The following ZNF268 variants were observed in gnomAD, a reference collection of about 807,000 sequenced individuals.
ZNF268 encodes the protein zinc finger protein 3.
Under a neutral mutation model 29.3 loss-of-function variants are expected in ZNF268, and 20 were observed. That is an observed-to-expected ratio of 0.68 (90% CI 0.48 to 0.99). ZNF268 has a LOEUF of 0.99. Among genes scored for constraint, ZNF268 ranks in the 50% least tolerant of loss-of-function variants. ZNF268 has a pLI of 0.00. For missense variants in ZNF268, 1,240 were observed against 1,121.6 expected (o/e 1.11, Z -1.51); for synonymous variants, 429 against 376.9 (o/e 1.14, Z -1.60).
rs970609864 is a variant in ZNF268, at chr12:133,191,674, T to A, written c.361+59T>A. 6 of 1,598,614 alleles carry A rather than the reference T, an allele frequency of 3.8e-6. No individual in the cohort carries two copies. In the Middle Eastern group the frequency reaches 6.7e-4, roughly 178 times the overall value. ...GATCTCCAGGCTTCTTCTTGGTTGC[T>A]GAAAACTGGAGGGCTTCTATGAAAT... On this transcript the variant is annotated intron_variant, in intron 4 of 5. Coordinates refer to ENST00000536435, the MANE Select transcript of ZNF268 (RefSeq NM_003415.3).
At chr12:133,190,131 G>C (rs190676298) in intron 3 of ZNF268, among the ~76,000 whole-genome samples, 6 of 152,292 alleles carry the variant, frequency 3.9e-5, no homozygotes, top group Admixed American at 3.9e-4. Context: ...TTTTGAGTAA[G>C]TTTGGTAATT....
At position 133,182,145 on chromosome 12, in the gene ZNF268, A is replaced by C. The variant is rs146217561; in HGVS notation, c.33+115A>C. The C allele has an allele frequency of 2.6e-4, 254 of 983,034 alleles. No homozygotes were observed. In the African/African-American group the frequency reaches 2.9e-3, roughly 11 times the overall value. 60.9% of individuals were successfully genotyped at this position (983,034 alleles called of 1,614,324 possible). A position where few individuals can be genotyped will look rare whatever the true frequency, so the allele number is the denominator to read the frequency against. ...AGCTTTCTCACCCCACCGCTCTTTTAGGCAACTGGATCGTCATTTATAGCA... is the reference window on the plus strand; with the variant it reads ...AGCTTTCTCACCCCACCGCTCTTTTCGGCAACTGGATCGTCATTTATAGCA... On this transcript the variant is annotated intron_variant, in intron 2 of 5. Coordinates refer to ENST00000536435, the MANE Select transcript of ZNF268 (RefSeq NM_003415.3).
In ZNF268 at chr12:133,211,340, G is replaced by T. The variant is rs1956977363; in HGVS notation, c.*6810G>T. 1 of 312,880 alleles carries T rather than the reference G, an allele frequency of 3.2e-6. No homozygotes were observed. Among genetic ancestry groups the T allele is most frequent in the Admixed American group, 4.5e-5 (1 of 22,100 alleles). The allele number at this position is 312,880 out of a possible 1,614,324, so 19.4% of individuals were successfully genotyped here. A position where few individuals can be genotyped will look rare whatever the true frequency, so the allele number is the denominator to read the frequency against. Reference sequence around the variant, plus strand: ...CTCACGCCTGTAATCCCAGCACTTTGGGAGGCCGAGGCGGGCAGATCACCT... The same window carrying T: ...CTCACGCCTGTAATCCCAGCACTTTTGGAGGCCGAGGCGGGCAGATCACCT... On this transcript the variant is annotated 3_prime_UTR_variant, in exon 6 of 6. Transcript: ENST00000536435.
intron 5 of ZNF268, among the ~76,000 whole-genome samples, chr12:133,194,584 T>C (rs1047483158): frequency 6.6e-6 from 1 of 152,196 alleles, no homozygotes; most frequent in Non-Finnish European, 1.5e-5. Context: ...CTGATCATGT[T>C]CAACAGGCTA....
chr12:133,198,487 C>G (rs1469705275), intron 5 of ZNF268, among the ~76,000 whole-genome samples: 1 of 151,350 alleles, frequency 6.6e-6, no homozygotes, highest in African/African-American at 2.4e-5. Context: ...CAGCTTTGTT[C>G]TTTTGGCTTA....
Position 133,204,820 on chromosome 12 carries a change from C to T in ZNF268, c.*290C>T, listed in dbSNP as rs994512668. The T allele has an allele frequency of 1.8e-5, 5 of 279,276 alleles. No individual in the cohort carries two copies. The highest frequency in any genetic ancestry group is 4.4e-5 in the African/African-American group (2 of 45,550). The allele number at this position is 279,276 out of a possible 1,614,324, so 17.3% of individuals were successfully genotyped here. On this transcript the variant is annotated 3_prime_UTR_variant, in exon 6 of 6. Transcript: ENST00000536435. ...CATACAGGTGAGGAACCATGTTAAACGTTGTAAAGTCATTTTACTAAAATA... is the reference window on the plus strand; with the variant it reads ...CATACAGGTGAGGAACCATGTTAAATGTTGTAAAGTCATTTTACTAAAATA...
intron 5 of ZNF268, chr12:133,193,525 C>G: frequency 1.5e-6 from 1 of 689,544 alleles, no homozygotes; most frequent in Non-Finnish European, 2.6e-6. Context: ...GTTGCTGCAT[C>G]CTCTGGAGGT....
At chr12:133,198,235 TTTCAGC>T (rs1161204221) in intron 5 of ZNF268, among the ~76,000 whole-genome samples, 1 of 149,236 alleles carries the variant, frequency 6.7e-6, no homozygotes, top group Non-Finnish European at 1.5e-5. Context: ...AGGGATCCAG[TTTCAGC>T]TTTCTACATA....
rs565059550 is a variant in ZNF268 at position 133,212,445 on chromosome 12, T to TTATATATATATATATA, written c.*7953_*7968dup. 3 of 118,578 alleles carry TTATATATATATATATA rather than the reference T, an allele frequency of 2.5e-5. No homozygotes were observed. The highest frequency in any genetic ancestry group is 5.5e-5 in the Non-Finnish European group (3 of 54,210). 7.3% of individuals were successfully genotyped at this position (118,578 alleles called of 1,614,324 possible). On this transcript the variant is annotated 3_prime_UTR_variant, in exon 6 of 6. Transcript: ENST00000536435. ...CCAAGGGAGACTTTCATGTGTGATTTTATATATATATATATATATATATAT... is the reference window on the plus strand; with the variant it reads ...CCAAGGGAGACTTTCATGTGTGATTTTATATATATATATATATATATATATATATATATATATATAT...
chr12:133,184,459 G>A (rs1299648178), intron 2 of ZNF268, among the ~76,000 whole-genome samples: 1 of 151,962 alleles, frequency 6.6e-6, no homozygotes, highest in South Asian at 2.1e-4. Context: ...ATGGTGGAAG[G>A]GGGCAAAAAG....
intron 5 of ZNF268, among the ~76,000 whole-genome samples, chr12:133,197,052 T>C (rs1018128720): frequency 6.6e-6 from 1 of 151,670 alleles, no homozygotes; most frequent in Non-Finnish European, 1.5e-5. Flanking sequence ...TAAATATTAT[T>C]ATACTTTAAG....
At position 133,204,737 on chromosome 12, in the gene ZNF268, A is replaced by C; in HGVS notation, c.*207A>C. 2.4e-6 allele frequency: 1 copy of C among 425,042 alleles called. No homozygotes were observed. The highest frequency in any genetic ancestry group is 4.1e-6 in the Non-Finnish European group (1 of 243,136). 26.3% of individuals were successfully genotyped at this position (425,042 alleles called of 1,614,324 possible). A position where few individuals can be genotyped will look rare whatever the true frequency, so the allele number is the denominator to read the frequency against. On this transcript the variant is annotated 3_prime_UTR_variant, in exon 6 of 6. Transcript: ENST00000536435. ...TAGTAGACAATACACAGGAAAACTGAATTTAGTAACCACTCTGAAAATTTT... is the reference window on the plus strand; with the variant it reads ...TAGTAGACAATACACAGGAAAACTGCATTTAGTAACCACTCTGAAAATTTT...
At chr12:133,183,289 C>T (rs1016086412) in intron 2 of ZNF268, among the ~76,000 whole-genome samples, 2 of 152,034 alleles carry the variant, frequency 1.3e-5, no homozygotes, top group African/African-American at 4.8e-5. Flanking sequence ...ACAGTCTAGT[C>T]TGCAGCAGGT....
rs1307161506 is a variant in ZNF268, at chr12:133,211,030, G to C, written c.*6500G>C. The C allele has an allele frequency of 4.4e-6, 2 of 455,868 alleles. No individual in the cohort carries two copies. The highest frequency in any genetic ancestry group is 4.4e-6 in the Non-Finnish European group (1 of 226,790). The allele number at this position is 455,868 out of a possible 1,614,324, so 28.2% of individuals were successfully genotyped here. A position where few individuals can be genotyped will look rare whatever the true frequency, so the allele number is the denominator to read the frequency against. On this transcript the variant is annotated 3_prime_UTR_variant, in exon 6 of 6. Coordinates refer to ENST00000536435, the MANE Select transcript of ZNF268 (RefSeq NM_003415.3). Reference sequence around the variant, plus strand: ...AATTTTGGAAAACGAAACTGAAATAGAGTCCATCATTCCATGCCTTAATTG... The same window carrying C: ...AATTTTGGAAAACGAAACTGAAATACAGTCCATCATTCCATGCCTTAATTG...
At position 133,184,710 on chromosome 12, in the gene ZNF268, G is replaced by A. The variant is rs577440259; in HGVS notation, c.33+2680G>A. ...CTGCTCACCACAACGTCTGCTTCCC[G>A]AGTTCAAGTGGTTCTCTTGCCTCAG... On this transcript the variant is annotated intron_variant, in intron 2 of 5. Coordinates refer to ENST00000536435, the MANE Select transcript of ZNF268 (RefSeq NM_003415.3). The A allele has an allele frequency of 1.0e-3, 469 of 451,058 alleles. 2 individuals are homozygous for A. The highest frequency in any genetic ancestry group is 6.7e-3 in the Middle Eastern group (17 of 2,532). The allele number at this position is 451,058 out of a possible 1,614,324, so 27.9% of individuals were successfully genotyped here. A position where few individuals can be genotyped will look rare whatever the true frequency, so the allele number is the denominator to read the frequency against.
At chr12:133,201,079 T>G (rs760999491) in intron 5 of ZNF268, among the ~76,000 whole-genome samples, 1 of 152,100 alleles carries the variant, frequency 6.6e-6, no homozygotes, top group Non-Finnish European at 1.5e-5. Context: ...AAGTATACAG[T>G]GATTTATTTT....
intron 3 of ZNF268, 169 bp from the exon 4 acceptor site, chr12:133,191,320 A>C (rs75668420): frequency 4.2e-5 from 9 of 213,884 alleles, no homozygotes; most frequent in South Asian, 1.2e-4. Context: ...CTGTCTCAAC[A>C]AAAAAAAAAA....
chr12:133,209,641 C>G lies in ZNF268; in HGVS notation c.*5111C>G, dbSNP rs1042447911. The G allele has an allele frequency of 6.6e-6, 1 of 152,112 alleles. No homozygotes were observed. Among genetic ancestry groups the G allele is most frequent in the African/African-American group, 2.4e-5 (1 of 41,404 alleles). The allele number at this position is 152,112 out of a possible 1,614,324, so 9.4% of individuals were successfully genotyped here. On this transcript the variant is annotated 3_prime_UTR_variant, in exon 6 of 6. Coordinates refer to ENST00000536435, the MANE Select transcript of ZNF268 (RefSeq NM_003415.3). The stretch of plus-strand genomic sequence containing the variant: ...CTTGAGGTCAGGAGTTCGAGACCAG[C>G]CTGGTGAAACCCCGTCTCTACTAAA...
chr12:133,203,590 C>G lies in ZNF268; in HGVS notation c.1904C>G (p.Thr635Arg). ...SNLIVHQRTHTGEKPYSCNEC... is the reference protein window; with the variant it reads ...SNLIVHQRTHRGEKPYSCNEC... Reference sequence around the variant, plus strand: ...CTGATTGTACATCAGAGAACTCATACAGGAGAGAAACCCTATAGTTGTAAT... The same window carrying G: ...CTGATTGTACATCAGAGAACTCATAGAGGAGAGAAACCCTATAGTTGTAAT... The change falls in exon 6 of 6, where the codon ACA becomes AGA. Residue 635 changes from threonine (T) to arginine (R), a missense_variant. Thr to Arg is a moderately conservative substitution (Grantham distance 71). Around this residue, in one of 3 missense-constraint regions of ZNF268, gnomAD observed 1,177 missense variants for 1,039.6 expected, o/e 1.13. Coordinates refer to ENST00000536435, the MANE Select transcript of ZNF268 (RefSeq NM_003415.3). The G allele has an allele frequency of 6.4e-7, 1 of 1,569,684 alleles. No homozygotes were observed. Among genetic ancestry groups the G allele is most frequent in the East Asian group, 2.3e-5 (1 of 42,610 alleles).
Sources: gnomAD v4.1 joint callset for allele counts (sites outside exome capture counted in the v4.1 genomes callset) on GRCh38, gnomAD v4.1.1 for gene constraint, gnomAD v4.1.1 regional missense constraint, MANE v1.5 for transcripts, NCBI Gene and HGNC (gene_info 2026-07-23, HGNC 2026-07-21) for gene names.